TTK: variants seen among roughly 807,000 people sequenced by gnomAD.
The protein encoded by TTK is TTK protein kinase, also known as dual specificity protein kinase TTK.
Under a neutral mutation model 117.3 loss-of-function variants are expected in TTK, and 59 were observed. The ratio of observed to expected loss-of-function variants is 0.50; its 90% CI spans 0.41 to 0.62. The LOEUF (loss-of-function observed/expected upper bound fraction) is 0.62, where lower values mean the gene tolerates loss of function less well. TTK is among the 20% of genes least tolerant of loss of function. The probability of loss-of-function intolerance (pLI) is 0.00; values close to 1 mark genes in which losing one functional copy is unlikely to be tolerated. For synonymous variants in TTK, 302 were observed against 325.0 expected, an observed-to-expected ratio of 0.93 and a Z score of 0.76; for missense variants, 921 against 989.4, an observed-to-expected ratio of 0.93 and a Z score of 0.93.
intron 12 of TTK, 91 bp from the exon 13 acceptor site, chr6:80,027,794 A>G (rs1767644010): frequency 4.0e-6 from 4 of 1,000,148 alleles, no homozygotes; most frequent in Non-Finnish European, 5.5e-6. Flanking sequence ...TAACACTTTT[A>G]AGTTTATATC....
Position 80,042,164 on chromosome 6 carries a change from T to C in TTK, c.2536T>C (p.Ser846Pro). The C allele has an allele frequency of 6.2e-7, 1 of 1,603,890 alleles. No individual in the cohort carries two copies. The highest frequency in any genetic ancestry group is 8.5e-7 in the Non-Finnish European group (1 of 1,173,974). Residue 846 changes from serine (S) to proline (P), a missense_variant, in exon 22 of 22, where the codon TCC becomes CCC. Ser to Pro is a moderately conservative substitution (Grantham distance 74). Coordinates refer to ENST00000369798, the MANE Select transcript of TTK (RefSeq NM_003318.5). ...YSGGESHNSS[S>P]SKTFEKKRGK... ...TGGTGGTGAAAGTCATAATTCTTCATCCTCCAAGACTTTTGAAAAAAAAAG... is the reference window on the plus strand; with the variant it reads ...TGGTGGTGAAAGTCATAATTCTTCACCCTCCAAGACTTTTGAAAAAAAAAG...
intron 16 of TTK, among the ~76,000 whole-genome samples, 175 bp from the exon 17 acceptor site, chr6:80,036,300 A>G (rs1366787842): frequency 6.6e-6 from 1 of 152,182 alleles, no homozygotes; most frequent in East Asian, 1.9e-4. Flanking sequence ...TGAACTTAGA[A>G]CAGTGCCTGG....
At position 80,010,765 on chromosome 6, in the gene TTK, G is replaced by C. The variant is rs1428755960; in HGVS notation, c.470-49G>C. The C allele has an allele frequency of 7.7e-6, 5 of 649,478 alleles. No individual in the cohort carries two copies. In the South Asian group the frequency reaches 1.3e-4, roughly 17 times the overall value. 40.2% of individuals were successfully genotyped at this position (649,478 alleles called of 1,614,324 possible). ...GAATACGTATCTGGGTGGTCTGGGT[G>C]GTGGGCATTTTACTGCCTAAAAATG... On this transcript the variant is annotated intron_variant, in intron 4 of 21. Coordinates refer to ENST00000369798, the MANE Select transcript of TTK (RefSeq NM_003318.5).
chr6:80,029,340 C>T (rs547895862), intron 13 of TTK, among the ~76,000 whole-genome samples: 1 of 152,074 alleles, frequency 6.6e-6, no homozygotes, highest in Admixed American at 6.5e-5. Flanking sequence ...ATAATTTGCA[C>T]AGTTTGAAAG....
At chr6:80,005,711 C>T (rs1315472673) in intron 1 of TTK, 131 bp from the exon 2 acceptor site, 1 of 943,902 alleles carries the variant, frequency 1.1e-6, no homozygotes, top group Non-Finnish European at 1.6e-6. Context: ...TTAATACTAG[C>T]CTAATAATAG....
chr6:80,006,549 T>C (rs1228419210), intron 2 of TTK, among the ~76,000 whole-genome samples: 1 of 152,168 alleles, frequency 6.6e-6, no homozygotes, highest in African/African-American at 2.4e-5. Context: ...CTGAGGAAGA[T>C]TCAAAGATGC....
At chr6:80,017,550 A>G (rs1412731488) in intron 10 of TTK, among the ~76,000 whole-genome samples, 1 of 152,200 alleles carries the variant, frequency 6.6e-6, no homozygotes, top group Non-Finnish European at 1.5e-5. Flanking sequence ...AAGTGCTGGG[A>G]TTACAAGTGT....
rs752869981 is a variant in TTK, at chr6:80,014,524, T to C, written c.1046T>C (p.Ile349Thr). The change falls in exon 10 of 22, where the codon ATT becomes ACT. Residue 349 changes from isoleucine (I) to threonine (T), a missense_variant. Coordinates refer to ENST00000369798, the MANE Select transcript of TTK (RefSeq NM_003318.5). ...TCAGATGAAAAGAGTTCTGAACTTATTATTACTGATTCAATAACCCTGAAG... is the reference window on the plus strand; with the variant it reads ...TCAGATGAAAAGAGTTCTGAACTTACTATTACTGATTCAATAACCCTGAAG... The part of the protein sequence containing the change: ...LVSDEKSSEL[I>T]ITDSITLKNK... The C allele has an allele frequency of 6.8e-6, 11 of 1,610,070 alleles. No individual in the cohort carries two copies. In the South Asian group the frequency reaches 1.1e-4, roughly 16 times the overall value.
At chr6:80,006,527 G>A (rs1343493515) in intron 2 of TTK, among the ~76,000 whole-genome samples, 1 of 152,096 alleles carries the variant, frequency 6.6e-6, no homozygotes, top group Admixed American at 6.5e-5. Flanking sequence ...AGGCAATTGA[G>A]TATTTTAAGT....
intron 13 of TTK, among the ~76,000 whole-genome samples, chr6:80,031,044 C>CA (rs56848922): frequency 0.11 from 8,785 of 77,552 alleles, 303 homozygotes; most frequent in Middle Eastern, 0.22. Context: ...GATGCTGTCT[C>CA]AAAAAAAAAA....
intron 13 of TTK, among the ~76,000 whole-genome samples, chr6:80,029,834 G>T (rs144846881): frequency 7.7e-4 from 117 of 152,350 alleles, no homozygotes; most frequent in African/African-American, 2.1e-3. Context: ...GTTCACATTA[G>T]TGTTGAGTCA....
chr6:80,019,524 T>C (rs2127674237), intron 10 of TTK, among the ~76,000 whole-genome samples: 1 of 152,296 alleles, frequency 6.6e-6, no homozygotes, highest in African/African-American at 2.4e-5. Context: ...TGCCCTGAGC[T>C]TTTTCCATTT....
chr6:80,010,710 T>G (rs1244921389), intron 4 of TTK, 104 bp from the exon 5 acceptor site: 1 of 1,196,216 alleles, frequency 8.4e-7, no homozygotes, highest in Non-Finnish European at 1.1e-6. Flanking sequence ...TTTGCTTAAG[T>G]CTTTTTGATT....
At chr6:80,028,340 C>G (rs1403342875) in intron 13 of TTK, among the ~76,000 whole-genome samples, 1 of 150,484 alleles carries the variant, frequency 6.6e-6, no homozygotes, top group Admixed American at 6.6e-5. Context: ...TTTTTTGAGA[C>G]AGAGTCTCGC....
At chr6:80,012,563 ATTC>A (rs952559330) in intron 8 of TTK, among the ~76,000 whole-genome samples, 14 of 152,134 alleles carry the variant, frequency 9.2e-5, no homozygotes, top group African/African-American at 3.1e-4. Context: ...ATTTTGGCCT[ATTC>A]TTAATTCTGA....
At chr6:80,033,398 G>A (rs1767809290) in intron 14 of TTK, among the ~76,000 whole-genome samples, 1 of 152,062 alleles carries the variant, frequency 6.6e-6, no homozygotes, top group South Asian at 2.1e-4. Flanking sequence ...CCACCGGTTT[G>A]TTTTTCTCTG....
chr6:80,010,859 G>A lies in TTK; in HGVS notation c.515G>A (p.Arg172His), dbSNP rs772102753. 10 of 1,612,062 alleles carry A rather than the reference G, an allele frequency of 6.2e-6. No homozygotes were observed. The highest frequency in any genetic ancestry group is 1.7e-4 in the Middle Eastern group (1 of 6,048). Residue 172 changes from arginine (R) to histidine (H), a missense_variant, in exon 5 of 22, where the codon CGT becomes CAT. Physicochemically the swap from Arg to His is conservative, Grantham distance 29. Transcript: ENST00000369798. ...CAACTTCTTCAAAAAGCTGTAGAAC[G>A]TGGAGCAGTACCACTAGAAATGCTG... ...SKQLLQKAVE[R>H]GAVPLEMLEI...
intron 1 of TTK, 166 bp from the exon 2 acceptor site, chr6:80,005,676 C>T: frequency 4.6e-6 from 3 of 649,628 alleles, no homozygotes; most frequent in Non-Finnish European, 7.6e-6. Context: ...AAGATGTGTA[C>T]CTTGTTGTTG....
intron 8 of TTK, 26 bp from the exon 9 acceptor site, chr6:80,013,253 A>T: frequency 6.4e-7 from 1 of 1,561,732 alleles, no homozygotes; most frequent in Non-Finnish European, 8.6e-7. Context: ...TTTAATGTTA[A>T]AATTATTTTG....
Sources: allele counts gnomAD v4.1 joint callset (sites outside exome capture counted in the v4.1 genomes callset), GRCh38; gene constraint gnomAD v4.1.1; transcripts MANE v1.5; gene names NCBI Gene and HGNC (gene_info 2026-07-23, HGNC 2026-07-21).